The following SYT1 variants were observed in gnomAD, a reference collection of about 807,000 sequenced individuals.
The protein encoded by SYT1 is synaptotagmin 1, also known as synaptotagmin-1.
In SYT1, 8 loss-of-function variants were observed where a neutral mutation model predicts 44.8. The observed-to-expected ratio is 0.18, with a 90% confidence interval of 0.10 to 0.32. SYT1 has a LOEUF of 0.32. SYT1 is among the 10% of genes least tolerant of loss of function. The probability of loss-of-function intolerance (pLI) is 1.00; values close to 1 mark genes in which losing one functional copy is unlikely to be tolerated. For missense variants in SYT1, 286 were observed against 509.3 expected, an observed-to-expected ratio of 0.56 and a Z score of 4.22; for synonymous variants, 154 against 188.8, an observed-to-expected ratio of 0.82 and a Z score of 1.51.
At chr12:78,977,059 G>A (rs1868892912) in intron 1 of SYT1, among the ~76,000 whole-genome samples, 1 of 150,458 alleles carries the variant, frequency 6.6e-6, no homozygotes, top group African/African-American at 2.4e-5. Flanking sequence ...GCATTAAAGA[G>A]AACAGAAAAA....
At chr12:78,917,450 G>A (rs1312924151) in intron 1 of SYT1, among the ~76,000 whole-genome samples, 1 of 151,928 alleles carries the variant, frequency 6.6e-6, no homozygotes, top group Non-Finnish European at 1.5e-5. Context: ...ATCACACACT[G>A]GGGCCTGTGG....
At chr12:79,168,872 T>C (rs1871355730) in intron 3 of SYT1, among the ~76,000 whole-genome samples, 1 of 152,074 alleles carries the variant, frequency 6.6e-6, no homozygotes, top group Admixed American at 6.6e-5. Context: ...GTCAAGTTTC[T>C]AAATAGCTTT....
intron 4 of SYT1, among the ~76,000 whole-genome samples, chr12:79,229,132 A>G (rs1321254804): frequency 6.6e-6 from 1 of 152,226 alleles, no homozygotes; most frequent in Non-Finnish European, 1.5e-5. Flanking sequence ...TCAAATCCAG[A>G]TCTCTTCTCG....
At chr12:79,199,397 C>A (rs1257839002) in intron 3 of SYT1, among the ~76,000 whole-genome samples, 1 of 152,090 alleles carries the variant, frequency 6.6e-6, no homozygotes, top group African/African-American at 2.4e-5. Context: ...TTTTTCCCTA[C>A]CAGCTGCCTT....
At chr12:79,186,369 T>C (rs777600182) in intron 3 of SYT1, among the ~76,000 whole-genome samples, 13 of 151,998 alleles carry the variant, frequency 8.6e-5, no homozygotes, top group Non-Finnish European at 1.6e-4. Context: ...TGGGTTCTAG[T>C]CTTACATTGC....
At chr12:79,045,046 A>G (rs1873909909) in intron 2 of SYT1, among the ~76,000 whole-genome samples, 1 of 152,044 alleles carries the variant, frequency 6.6e-6, no homozygotes, top group African/African-American at 2.4e-5. Context: ...GGGACATTTA[A>G]GTCTGCAGAG....
chr12:78,961,121 T>C (rs1879478689), intron 1 of SYT1, among the ~76,000 whole-genome samples: 2 of 152,096 alleles, frequency 1.3e-5, no homozygotes, highest in African/African-American at 2.4e-5. Context: ...GAAATTTTTT[T>C]TTTAGAAAAA....
chr12:78,873,751 C>G (rs1021856188), intron 1 of SYT1, among the ~76,000 whole-genome samples: 1 of 151,624 alleles, frequency 6.6e-6, no homozygotes, highest in Non-Finnish European at 1.5e-5. Context: ...TCTATTGATA[C>G]TTTTTATCTT....
chr12:79,335,170 C>A (rs1003602174), intron 8 of SYT1, among the ~76,000 whole-genome samples: 3 of 152,124 alleles, frequency 2.0e-5, no homozygotes, highest in African/African-American at 7.2e-5. Flanking sequence ...CTTTCCTACA[C>A]TTGTACGATT....
intron 3 of SYT1, among the ~76,000 whole-genome samples, chr12:79,087,754 A>G (rs1326896340): frequency 6.6e-6 from 1 of 152,150 alleles, no homozygotes; most frequent in African/African-American, 2.4e-5. Flanking sequence ...GTGACAATCC[A>G]TGATAGAAGC....
At chr12:79,207,919 A>G (rs947247689) in intron 3 of SYT1, among the ~76,000 whole-genome samples, 24 of 152,206 alleles carry the variant, frequency 1.6e-4, no homozygotes, top group Non-Finnish European at 2.5e-4. Context: ...CTCATTAACA[A>G]TATGAAATTT....
intron 8 of SYT1, among the ~76,000 whole-genome samples, chr12:79,317,425 T>A (rs1881144474): frequency 6.6e-6 from 1 of 152,236 alleles, no homozygotes; most frequent in South Asian, 2.1e-4. Flanking sequence ...TATGCAATTA[T>A]TTTCCCCCTG....
At chr12:79,043,410 TG>T (rs1873744466) in intron 2 of SYT1, among the ~76,000 whole-genome samples, 1 of 148,998 alleles carries the variant, frequency 6.7e-6, no homozygotes, top group Admixed American at 6.7e-5. Flanking sequence ...TGATCTTTGT[TG>T]GTTTAAAGTC....
chr12:78,874,404 A>C (rs1420102503), intron 1 of SYT1, among the ~76,000 whole-genome samples: 1 of 151,544 alleles, frequency 6.6e-6, no homozygotes, highest in Admixed American at 6.6e-5. Flanking sequence ...TTTATAGGTT[A>C]GGTCAATATG....
intron 8 of SYT1, among the ~76,000 whole-genome samples, chr12:79,326,893 G>A (rs1375482977): frequency 1.3e-5 from 2 of 152,190 alleles, no homozygotes; most frequent in Non-Finnish European, 2.9e-5. Flanking sequence ...AACACCTCAG[G>A]ATGACTCAGG....
intron 1 of SYT1, among the ~76,000 whole-genome samples, chr12:78,893,798 T>C (rs1875186500): frequency 6.6e-6 from 1 of 151,640 alleles, no homozygotes; most frequent in South Asian, 2.1e-4. Context: ...GAAGTGAGTT[T>C]AATGTTTATT....
intron 3 of SYT1, among the ~76,000 whole-genome samples, chr12:79,210,194 A>G (rs1324219742): frequency 6.6e-6 from 1 of 152,156 alleles, no homozygotes; most frequent in Non-Finnish European, 1.5e-5. Flanking sequence ...ATAGCAATCA[A>G]AATCCTGATT....
At chr12:79,169,527 T>G (rs949926818) in intron 3 of SYT1, among the ~76,000 whole-genome samples, 1 of 151,926 alleles carries the variant, frequency 6.6e-6, no homozygotes, top group African/African-American at 2.4e-5. Context: ...GCAAACAACA[T>G]TTTAAAAACT....
chr12:79,097,106 G>A (rs1342585781), intron 3 of SYT1, among the ~76,000 whole-genome samples: 4 of 151,964 alleles, frequency 2.6e-5, no homozygotes, highest in East Asian at 1.9e-4. Flanking sequence ...AGGGGGCTTC[G>A]ATTTCAGCTA....
Sources: allele counts gnomAD v4.1 joint callset (sites outside exome capture counted in the v4.1 genomes callset), GRCh38; gene constraint gnomAD v4.1.1; transcripts MANE v1.5; gene names NCBI Gene and HGNC (gene_info 2026-07-23, HGNC 2026-07-21).